The following GRP variants were observed in gnomAD, a reference collection of about 807,000 sequenced individuals.
The protein encoded by GRP is gastrin-releasing peptide.
Under a neutral mutation model 12.7 loss-of-function variants are expected in GRP, and 11 were observed. The observed-to-expected ratio is 0.87, with a 90% CI of 0.55 to 1.44. GRP has a LOEUF of 1.44. Among genes scored for constraint, GRP ranks in the 40% most tolerant of loss-of-function variants. The pLI is 0.00. For missense variants in GRP, 212 were observed against 185.4 expected (o/e 1.14, Z -0.83); for synonymous variants, 84 against 77.7 (o/e 1.08, Z -0.43).
chr18:59,222,700 C>T (rs919681522), intron 1 of GRP, among the ~76,000 whole-genome samples: 1 of 152,190 alleles, frequency 6.6e-6, no homozygotes, highest in Non-Finnish European at 1.5e-5. Context: ...ATGCTGCTGT[C>T]CATGAGGATG....
intron 1 of GRP, among the ~76,000 whole-genome samples, chr18:59,223,502 C>T (rs2069868196): frequency 6.6e-6 from 1 of 152,166 alleles, no homozygotes; most frequent in African/African-American, 2.4e-5. Context: ...ATAACTTTCT[C>T]CTCCCATTTT....
At chr18:59,223,311 T>C (rs2069865025) in intron 1 of GRP, among the ~76,000 whole-genome samples, 1 of 152,166 alleles carries the variant, frequency 6.6e-6, no homozygotes, top group Admixed American at 6.5e-5. Context: ...AGATGACGAT[T>C]TGGTTGACAG....
chr18:59,230,300 T>C (rs2070011266), intron 2 of GRP, 104 bp from the exon 3 acceptor site: 1 of 748,678 alleles, frequency 1.3e-6, no homozygotes, highest in Non-Finnish European at 2.4e-6. Context: ...TTTGCCTTTC[T>C]AACAAGCTCC....
In GRP at chr18:59,228,101, A is replaced by G. The variant is rs184538223; in HGVS notation, c.383-2303A>G. Among the ~76,000 whole-genome samples the G allele has an allele frequency of 3.3e-4, 50 of 152,324 alleles. 2 individuals are homozygous for G. The East Asian group carries it at 7.1e-3, about 22-fold the overall frequency. Reference sequence around the variant, plus strand: ...AGTTGAATAATTAGTTATCGCACACATTGGTACTATTCTTTTGGCTATATT... The same window carrying G: ...AGTTGAATAATTAGTTATCGCACACGTTGGTACTATTCTTTTGGCTATATT... On this transcript the variant is annotated intron_variant, in intron 2 of 2. Coordinates refer to ENST00000256857, the MANE Select transcript of GRP (RefSeq NM_002091.5).
intron 1 of GRP, 38 bp from the exon 2 acceptor site, chr18:59,225,454 T>C: frequency 6.3e-7 from 1 of 1,575,368 alleles, no homozygotes; most frequent in Non-Finnish European, 8.6e-7. Context: ...TTGGTTAAAT[T>C]TGTGGCATTC....
rs2069942982 is a variant in GRP at position 59,227,020 on chromosome 18, T to TCTTCCTTC, written c.382+1289_382+1290insCCTTCCTT. Among the ~76,000 whole-genome samples the TCTTCCTTC allele has an allele frequency of 2.1e-5, 3 of 142,030 alleles. No individual in the cohort carries two copies. In the South Asian group the frequency reaches 6.6e-4, roughly 31 times the overall value. The allele number at this position is 142,030 out of a possible 152,430, so 93.2% of individuals were successfully genotyped here. ...TTCTTTCTTTCTTTCTTTCTTTCTT[T>TCTTCCTTC]CTTTCTTTCTTTCTTTCTTTCTTTC... On this transcript the variant is annotated intron_variant, in intron 2 of 2. Transcript: ENST00000256857.
chr18:59,228,411 CT>C (rs112716837), intron 2 of GRP, among the ~76,000 whole-genome samples: 1 of 152,226 alleles, frequency 6.6e-6, no homozygotes, highest in African/African-American at 2.4e-5. Context: ...GGCTGAAGGA[CT>C]GTTCTTAAAA....
At chr18:59,223,331 C>T (rs146692391) in intron 1 of GRP, among the ~76,000 whole-genome samples, 98 of 152,226 alleles carry the variant, frequency 6.4e-4, no homozygotes, top group Non-Finnish European at 1.1e-3. Flanking sequence ...GTCACTAGCT[C>T]AAAAGCAAAA....
chr18:59,220,216 C>T lies in GRP; in HGVS notation c.-50C>T. 4 of 1,383,832 alleles carry T rather than the reference C, an allele frequency of 2.9e-6. No individual in the cohort carries two copies. Among genetic ancestry groups the T allele is most frequent in the East Asian group, 6.1e-5 (2 of 32,958 alleles). The allele number at this position is 1,383,832 out of a possible 1,614,324, so 85.7% of individuals were successfully genotyped here. ...CCTCCGAGGTCCGGGTCACCAGTCT[C>T]TGCTCTTCCCAGCCTCTCCGGCGCG... On this transcript the variant is annotated 5_prime_UTR_variant, in exon 1 of 3. Transcript: ENST00000256857.
chr18:59,230,359 C>T (rs1339695612), intron 2 of GRP, 45 bp from the exon 3 acceptor site: 1 of 1,025,242 alleles, frequency 9.8e-7, no homozygotes, highest in South Asian at 1.3e-5. Context: ...TAGGATTAGA[C>T]TTCAGCTCAC....
rs956663441 is a variant in GRP, at chr18:59,220,721, C to A, written c.139+317C>A. Among the ~76,000 whole-genome samples, 7 of 152,096 alleles carry A rather than the reference C, an allele frequency of 4.6e-5. No individual in the cohort carries two copies. The Admixed American group carries it at 4.6e-4, about 10-fold the overall frequency. On this transcript the variant is annotated intron_variant, in intron 1 of 2. Coordinates refer to ENST00000256857, the MANE Select transcript of GRP (RefSeq NM_002091.5). ...CGGTGCAGATCACCTTCCCTCTGCG[C>A]CCATCCTACATCTCCTTTTGTCCGC... is the stretch of plus-strand genomic sequence containing the variant.
chr18:59,225,550 C>A lies in GRP; in HGVS notation c.198C>A (p.Ser66Arg), dbSNP rs746657365. 1.2e-6 allele frequency: 2 copies of A among 1,613,604 alleles called. No individual in the cohort carries two copies. The highest frequency in any genetic ancestry group is 2.2e-5 in the East Asian group (1 of 44,876). The part of the protein sequence containing the change: ...GESSSVSERG[S>R]LKQQLREYIR... ...CTTCTTCTGTTTCTGAGAGAGGGAGCCTGAAGCAGCAGCTGAGAGAGTACA... is the reference window on the plus strand; with the variant it reads ...CTTCTTCTGTTTCTGAGAGAGGGAGACTGAAGCAGCAGCTGAGAGAGTACA... Residue 66 changes from serine to arginine, a missense_variant, in exon 2 of 3, where the codon AGC becomes AGA. Physicochemically the swap from Ser to Arg is moderately radical, Grantham distance 110. Transcript: ENST00000256857.
chr18:59,226,993 CT>C (rs1211758287), intron 2 of GRP, among the ~76,000 whole-genome samples: 2,057 of 26,032 alleles, frequency 0.079, 47 homozygotes, highest in African/African-American at 0.15. Flanking sequence ...TCTTTTCTTC[CT>C]TTCTTTCTTT....
chr18:59,224,958 AT>A (rs915683845), intron 1 of GRP, among the ~76,000 whole-genome samples: 11 of 152,012 alleles, frequency 7.2e-5, no homozygotes, highest in South Asian at 2.1e-4. Flanking sequence ...TTCCTTTGGT[AT>A]TTTTTTTATT....
In GRP at chr18:59,229,108, A is replaced by G. The variant is rs1275066607; in HGVS notation, c.383-1296A>G. ...TGAAATGCTCCAAAGGAAGTGCCAA[A>G]TATAGAAAAAGCAACATAAAATCAA... On this transcript the variant is annotated intron_variant, in intron 2 of 2. Coordinates refer to ENST00000256857, the MANE Select transcript of GRP (RefSeq NM_002091.5). Among the ~76,000 whole-genome samples, 5 of 152,210 alleles carry G rather than the reference A, an allele frequency of 3.3e-5. No homozygotes were observed. In the South Asian group the frequency reaches 6.2e-4, roughly 19 times the overall value.
chr18:59,227,008 T>TCTTTCTTTCTTTCTTTCTTTCTTC (rs2069938706), intron 2 of GRP, among the ~76,000 whole-genome samples: 2 of 124,872 alleles, frequency 1.6e-5, no homozygotes, highest in African/African-American at 6.4e-5. Flanking sequence ...TTTCTTTCTT[T>TCTTTCTTTCTTTCTTTCTTTCTTC]CTTTCTTTCT....
chr18:59,221,819 T>C (rs1355378813), intron 1 of GRP, among the ~76,000 whole-genome samples: 1 of 152,132 alleles, frequency 6.6e-6, no homozygotes, highest in Non-Finnish European at 1.5e-5. Flanking sequence ...TGGGCTGCAA[T>C]AGAGTGGTTT....
At chr18:59,222,055 G>T (rs1450515898) in intron 1 of GRP, among the ~76,000 whole-genome samples, 1 of 152,196 alleles carries the variant, frequency 6.6e-6, no homozygotes, top group East Asian at 1.9e-4. Context: ...TGGGAGCTTA[G>T]ATCAAGTGGC....
At chr18:59,220,537 C>A in intron 1 of GRP, 133 bp downstream of exon 1, 1 of 678,646 alleles carries the variant, frequency 1.5e-6, no homozygotes, top group Non-Finnish European at 2.2e-6. Context: ...ACCTTTCTAT[C>A]GGCAAACACC....
Sources: allele counts gnomAD v4.1 joint callset (sites outside exome capture counted in the v4.1 genomes callset), GRCh38; gene constraint gnomAD v4.1.1; transcripts MANE v1.5; gene names NCBI Gene and HGNC (gene_info 2026-07-23, HGNC 2026-07-21).